Variants in TMEM260 observed in about 807,000 individuals in gnomAD.
The protein encoded by TMEM260 is protein O-mannosyl-transferase TMEM260.
A neutral mutation model predicts 88.9 loss-of-function variants in TMEM260; 82 were observed. The observed-to-expected ratio is 0.92, with a 90% confidence interval of 0.77 to 1.11. The LOEUF is 1.11. TMEM260 is among the 50% of genes least tolerant of loss of function. The pLI, the probability that TMEM260 is intolerant of heterozygous loss-of-function variation, is 0.00. For synonymous variants in TMEM260, 314 were observed against 309.3 expected, an observed-to-expected ratio of 1.02 and a Z score of -0.16; for missense variants, 902 against 853.4, an observed-to-expected ratio of 1.06 and a Z score of -0.71.
At chr14:56,640,657 G>T (rs56336731) in intron 15 of TMEM260, among the ~76,000 whole-genome samples, 1 of 152,162 alleles carries the variant, frequency 6.6e-6, no homozygotes, top group Non-Finnish European at 1.5e-5. Flanking sequence ...TGACTTTGAC[G>T]AGTTGAGAGA....
At chr14:56,623,813 G>T (rs745756576) in intron 11 of TMEM260, among the ~76,000 whole-genome samples, 1 of 152,220 alleles carries the variant, frequency 6.6e-6, no homozygotes, top group Non-Finnish European at 1.5e-5. Context: ...AAATTAATTT[G>T]TCATTTGCTG....
intron 1 of TMEM260, among the ~76,000 whole-genome samples, chr14:56,580,904 A>T (rs1885084685): frequency 6.6e-6 from 1 of 152,194 alleles, no homozygotes; most frequent in Non-Finnish European, 1.5e-5. Context: ...TTGCTGCATG[A>T]CTAGTGATCC....
chr14:56,638,305 C>T (rs1248000466), intron 15 of TMEM260: 2 of 151,570 alleles, frequency 1.3e-5, no homozygotes, highest in Non-Finnish European at 1.5e-5. Flanking sequence ...CCTTTCCAGG[C>T]CTTGATTTTT....
At chr14:56,602,460 AT>A (rs1224726542) in intron 3 of TMEM260, among the ~76,000 whole-genome samples, 1 of 152,156 alleles carries the variant, frequency 6.6e-6, no homozygotes, top group Non-Finnish European at 1.5e-5. Flanking sequence ...TTTAGAACTT[AT>A]CCCTCAAGCA....
intron 6 of TMEM260, among the ~76,000 whole-genome samples, chr14:56,610,659 G>A (rs529324650): frequency 6.6e-6 from 1 of 152,164 alleles, no homozygotes; most frequent in Admixed American, 6.5e-5. Flanking sequence ...TAATAAAAAA[G>A]TATTAATTAT....
intron 3 of TMEM260, among the ~76,000 whole-genome samples, chr14:56,602,163 G>T (rs8004629): frequency 0.88 from 133,781 of 152,122 alleles, 58,972 homozygotes; most frequent in East Asian, 1. Flanking sequence ...AAAAACAATG[G>T]TAAAGTAATT....
At chr14:56,641,300 G>T (rs1175462017) in intron 15 of TMEM260, among the ~76,000 whole-genome samples, 1 of 152,162 alleles carries the variant, frequency 6.6e-6, no homozygotes, top group Non-Finnish European at 1.5e-5. Flanking sequence ...AAGCCCATCA[G>T]ACTAACAGCA....
intron 3 of TMEM260, chr14:56,593,344 T>G (rs762581775): frequency 1.3e-5 from 2 of 152,190 alleles, no homozygotes; most frequent in Non-Finnish European, 2.9e-5. Flanking sequence ...TTGACTGCCC[T>G]TCCCATACTA....
intron 7 of TMEM260, chr14:56,612,978 C>G (rs1475521271): frequency 6.6e-6 from 1 of 152,070 alleles, no homozygotes; most frequent in African/African-American, 2.4e-5. Context: ...CTTCTTTAGG[C>G]TATCCTTGCC....
intron 15 of TMEM260, among the ~76,000 whole-genome samples, chr14:56,645,481 G>A (rs8013548): frequency 1.4e-5 from 2 of 147,592 alleles, no homozygotes; most frequent in South Asian, 4.4e-4. Context: ...CATCACACTC[G>A]GGGGACTGTT....
chr14:56,580,951 C>T (rs1885089022), intron 1 of TMEM260, among the ~76,000 whole-genome samples: 1 of 152,190 alleles, frequency 6.6e-6, no homozygotes, highest in Non-Finnish European at 1.5e-5. Flanking sequence ...CGTTTATCGT[C>T]TCCCGTTTTT....
At chr14:56,662,780 T>G in the TMEM260 span, among the ~76,000 whole-genome samples, 1 of 152,176 alleles carries the variant, frequency 6.6e-6, no homozygotes. Context: ...GCAAGGGCAT[T>G]TGGGAAGCAC....
At chr14:56,598,938 C>A (rs888507601) in intron 3 of TMEM260, among the ~76,000 whole-genome samples, 2 of 152,158 alleles carry the variant, frequency 1.3e-5, no homozygotes, top group African/African-American at 4.8e-5. Flanking sequence ...TTTTAAAACT[C>A]TGTTCCATCA....
chr14:56,634,841 T>TC lies in TMEM260; in HGVS notation c.1725-57dup, dbSNP rs1888906942. On this transcript the variant is annotated intron_variant, in intron 13 of 15. Transcript: ENST00000261556. Reference sequence around the variant, plus strand: ...TGGGCAGCAAGAGCAAAATTCTGTCTCAAAAAAAAAAAAAAAGTGGGTGAC... The same window carrying TC: ...TGGGCAGCAAGAGCAAAATTCTGTCTCCAAAAAAAAAAAAAAAGTGGGTGAC... 3.3e-6 allele frequency: 4 copies of TC among 1,224,182 alleles called. No homozygotes were observed. In the East Asian group the frequency reaches 9.7e-5, roughly 30 times the overall value. 75.8% of individuals were successfully genotyped at this position (1,224,182 alleles called of 1,614,324 possible).
At chr14:56,593,240 T>C (rs1885975778) in intron 3 of TMEM260, 1 of 152,200 alleles carries the variant, frequency 6.6e-6, no homozygotes, top group African/African-American at 2.4e-5. Context: ...CAGAGAATTC[T>C]GTTGCTCACA....
At chr14:56,617,783 T>C (rs1887678831) in intron 9 of TMEM260, among the ~76,000 whole-genome samples, 1 of 152,160 alleles carries the variant, frequency 6.6e-6, no homozygotes, top group Non-Finnish European at 1.5e-5. Context: ...ATAGCACTTT[T>C]TTGACAGCTG....
At chr14:56,609,323 G>T in intron 6 of TMEM260, 38 bp downstream of exon 6, 1 of 1,584,248 alleles carries the variant, frequency 6.3e-7, no homozygotes, top group Admixed American at 1.7e-5. Context: ...GGAAACAAGT[G>T]GCAAAACTTC....
At chr14:56,611,716 C>G (rs1157550204) in intron 6 of TMEM260, among the ~76,000 whole-genome samples, 1 of 152,168 alleles carries the variant, frequency 6.6e-6, no homozygotes, top group East Asian at 1.9e-4. Context: ...ATAAATTGTT[C>G]TGCTCTAAAG....
chr14:56,651,577 C>T (rs543736099), downstream of TMEM260, among the ~76,000 whole-genome samples: 10 of 152,164 alleles, frequency 6.6e-5, no homozygotes, highest in East Asian at 5.8e-4. Context: ...ACAAACATTG[C>T]GATGATATTA....
Sources: gnomAD v4.1 joint callset for allele counts (sites outside exome capture counted in the v4.1 genomes callset) on GRCh38, gnomAD v4.1.1 for gene constraint, MANE v1.5 for transcripts, NCBI Gene and HGNC (gene_info 2026-07-23, HGNC 2026-07-21) for gene names.